Variants in ERP44 observed in about 807,000 individuals in gnomAD.
ERP44 encodes endoplasmic reticulum protein 44, also known as endoplasmic reticulum resident protein 44.
ERP44 carries 25 observed loss-of-function variants against 53.4 expected under a neutral mutation model. That is an observed-to-expected ratio of 0.47 (90% CI 0.34 to 0.65). The LOEUF (loss-of-function observed/expected upper bound fraction) is 0.65, where lower values mean the gene tolerates loss of function less well. ERP44 is among the 30% of genes least tolerant of loss of function. The pLI is 0.01. For missense variants in ERP44, 338 were observed against 493.2 expected (o/e 0.69, Z 2.98); for synonymous variants, 145 against 161.2 (o/e 0.90, Z 0.76).
chr9:99,994,294 C>T (rs1830286747), intron 10 of ERP44, among the ~76,000 whole-genome samples: 1 of 152,186 alleles, frequency 6.6e-6, no homozygotes, highest in Non-Finnish European at 1.5e-5. Context: ...AAATGTGGCA[C>T]ATATACACCG....
At chr9:100,038,083 C>T (rs1055246542) in intron 4 of ERP44, among the ~76,000 whole-genome samples, 1 of 152,020 alleles carries the variant, frequency 6.6e-6, no homozygotes, top group Non-Finnish European at 1.5e-5. Flanking sequence ...TCATCAACAT[C>T]AGATGTGTCC....
At chr9:99,990,309 G>A (rs576051169) in intron 10 of ERP44, among the ~76,000 whole-genome samples, 14 of 152,332 alleles carry the variant, frequency 9.2e-5, no homozygotes, top group Middle Eastern at 3.4e-3. Context: ...GACTAACAGC[G>A]GATATCTCGG....
intron 1 of ERP44, among the ~76,000 whole-genome samples, chr9:100,084,997 C>T (rs939956279): frequency 6.6e-5 from 10 of 152,138 alleles, no homozygotes; most frequent in Admixed American, 1.3e-4. Flanking sequence ...TTTATCTTGC[C>T]TCATGGTACA....
intron 4 of ERP44, among the ~76,000 whole-genome samples, chr9:100,026,330 G>A (rs1041207983): frequency 3.9e-5 from 6 of 152,162 alleles, no homozygotes; most frequent in African/African-American, 1.4e-4. Context: ...ACATTTGCCA[G>A]ATTTTGAAGC....
intron 1 of ERP44, among the ~76,000 whole-genome samples, chr9:100,081,548 A>G (rs1224825954): frequency 6.6e-6 from 1 of 152,128 alleles, no homozygotes; most frequent in Non-Finnish European, 1.5e-5. Context: ...AAATATTAAT[A>G]AAAATGACCT....
chr9:100,020,075 T>A (rs143266114), intron 6 of ERP44, among the ~76,000 whole-genome samples: 25 of 151,972 alleles, frequency 1.6e-4, no homozygotes, highest in African/African-American at 5.8e-4. Context: ...TTGAAAAGGG[T>A]CAGGTTGAAA....
chr9:100,053,281 C>T (rs912430795), intron 3 of ERP44, among the ~76,000 whole-genome samples: 1 of 152,200 alleles, frequency 6.6e-6, no homozygotes, highest in Admixed American at 6.5e-5. Flanking sequence ...ATCTTAAATT[C>T]CTAACCAAGA....
At chr9:100,058,614 C>T (rs371401096) in intron 2 of ERP44, among the ~76,000 whole-genome samples, 2 of 152,186 alleles carry the variant, frequency 1.3e-5, no homozygotes, top group African/African-American at 4.8e-5. Context: ...AAGTAATCTA[C>T]AACTAATAGT....
At chr9:100,009,349 T>C (rs1830449529) in intron 8 of ERP44, among the ~76,000 whole-genome samples, 1 of 151,906 alleles carries the variant, frequency 6.6e-6, no homozygotes, top group Admixed American at 6.6e-5. Flanking sequence ...CCTGACCTCA[T>C]GATCCATCCC....
At chr9:100,077,602 C>T (rs763044928) in intron 1 of ERP44, among the ~76,000 whole-genome samples, 6 of 152,208 alleles carry the variant, frequency 3.9e-5, no homozygotes, top group Non-Finnish European at 7.3e-5. Flanking sequence ...CACAACATTA[C>T]GTTCTGCTGG....
At chr9:100,070,529 G>A (rs889575293) in intron 1 of ERP44, among the ~76,000 whole-genome samples, 2 of 152,174 alleles carry the variant, frequency 1.3e-5, no homozygotes, top group African/African-American at 4.8e-5. Context: ...GGGTTTTCAT[G>A]AAGCTTTGAA....
intron 1 of ERP44, among the ~76,000 whole-genome samples, chr9:100,096,319 T>G (rs1423549514): frequency 6.6e-6 from 1 of 152,034 alleles, no homozygotes; most frequent in Non-Finnish European, 1.5e-5. Flanking sequence ...CCACCTTAGA[T>G]AGGAAGATAA....
intron 4 of ERP44, among the ~76,000 whole-genome samples, chr9:100,046,227 T>C (rs1465313563): frequency 6.6e-6 from 1 of 152,018 alleles, no homozygotes; most frequent in African/African-American, 2.4e-5. Context: ...AGAATATTAC[T>C]CAAAACTGTC....
At chr9:100,079,957 A>C (rs546330487) in intron 1 of ERP44, among the ~76,000 whole-genome samples, 149 of 148,488 alleles carry the variant, frequency 1.0e-3, no homozygotes, top group African/African-American at 3.5e-3. Context: ...AAAAAAAAAA[A>C]CAGAATCATA....
chr9:100,028,027 G>T (rs1200510956), intron 4 of ERP44, among the ~76,000 whole-genome samples: 2 of 152,122 alleles, frequency 1.3e-5, no homozygotes, highest in Middle Eastern at 3.2e-3. Context: ...TCCAAATTCT[G>T]TTCTATGCAC....
At chr9:100,001,845 G>A (rs1830381406) in intron 10 of ERP44, among the ~76,000 whole-genome samples, 1 of 152,062 alleles carries the variant, frequency 6.6e-6, no homozygotes, top group African/African-American at 2.4e-5. Context: ...AAAGACTACT[G>A]CCATTTTGTT....
chr9:99,998,671 G>T (rs1474656687), intron 10 of ERP44: 1 of 760,500 alleles, frequency 1.3e-6, no homozygotes, highest in African/African-American at 1.7e-5. Context: ...CACTGCTGCT[G>T]TGTGACCTTA....
At chr9:99,988,069 G>C (rs1587953670) in intron 10 of ERP44, among the ~76,000 whole-genome samples, 1 of 152,174 alleles carries the variant, frequency 6.6e-6, no homozygotes, top group Non-Finnish European at 1.5e-5. Flanking sequence ...ACTGTATCAT[G>C]TTGTAATCCA....
chr9:100,025,185 A>G (rs1482997080), intron 4 of ERP44, among the ~76,000 whole-genome samples: 1 of 152,228 alleles, frequency 6.6e-6, no homozygotes, highest in Non-Finnish European at 1.5e-5. Context: ...CTTCACCAGT[A>G]AATTCTACCA....
Sources: gnomAD v4.1 joint callset for allele counts (sites outside exome capture counted in the v4.1 genomes callset) on GRCh38, gnomAD v4.1.1 for gene constraint, MANE v1.5 for transcripts, NCBI Gene and HGNC (gene_info 2026-07-23, HGNC 2026-07-21) for gene names.